CATSPER3: variants seen among roughly 807,000 people sequenced by gnomAD.
CATSPER3 encodes the protein cation channel sperm associated 3.
Under a neutral mutation model 36.6 loss-of-function variants are expected in CATSPER3, and 23 were observed. The observed-to-expected ratio is 0.63, with a 90% confidence interval of 0.45 to 0.89. The LOEUF is 0.89. CATSPER3 is among the 40% of genes least tolerant of loss of function. The pLI is 0.00. For synonymous variants in CATSPER3, 172 were observed against 184.1 expected (o/e 0.93, Z 0.53); for missense variants, 474 against 503.9 (o/e 0.94, Z 0.57).
intron 2 of CATSPER3, among the ~76,000 whole-genome samples, chr5:134,970,501 G>A (rs1314094666): frequency 6.6e-6 from 1 of 151,188 alleles, no homozygotes; most frequent in Non-Finnish European, 1.5e-5. Flanking sequence ...GAAATTTTCT[G>A]TAGAATTCTA....
chr5:135,005,702 C>A (rs1051037833), intron 3 of CATSPER3, among the ~76,000 whole-genome samples: 1 of 152,264 alleles, frequency 6.6e-6, no homozygotes, highest in Admixed American at 6.5e-5. Flanking sequence ...TGACACTCTG[C>A]CTTCTACCTA....
chr5:134,983,938 A>G (rs955481960), intron 2 of CATSPER3, among the ~76,000 whole-genome samples: 1 of 152,248 alleles, frequency 6.6e-6, no homozygotes, highest in Non-Finnish European at 1.5e-5. Flanking sequence ...ATAAAAGTAG[A>G]TGCATAGATG....
intron 2 of CATSPER3, among the ~76,000 whole-genome samples, chr5:134,984,181 T>G (rs913536148): frequency 6.6e-6 from 1 of 152,038 alleles, no homozygotes; most frequent in Non-Finnish European, 1.5e-5. Context: ...CCACAAAAAT[T>G]CTAGAAGGCA....
At chr5:134,996,245 A>G (rs762633547) in intron 2 of CATSPER3, 28 bp from the exon 3 acceptor site, 5 of 1,613,902 alleles carry the variant, frequency 3.1e-6, no homozygotes, top group Non-Finnish European at 4.2e-6. Flanking sequence ...GCTCGATCTG[A>G]CTTCTCCAAC....
At chr5:135,009,042 C>G (rs1580916838) in intron 5 of CATSPER3, 61 bp downstream of exon 5, 1 of 1,610,920 alleles carries the variant, frequency 6.2e-7, no homozygotes. Flanking sequence ...AGCTGTAGGG[C>G]AAGTCTCCAG....
At chr5:134,971,726 G>C (rs558000848) in intron 2 of CATSPER3, among the ~76,000 whole-genome samples, 1 of 152,278 alleles carries the variant, frequency 6.6e-6, no homozygotes, top group Non-Finnish European at 1.5e-5. Flanking sequence ...AAGCTGACCA[G>C]CTAGAGGTCT....
At chr5:135,009,040 G>T (rs1421281080) in intron 5 of CATSPER3, 59 bp downstream of exon 5, 7 of 1,611,882 alleles carry the variant, frequency 4.3e-6, no homozygotes, top group Non-Finnish European at 5.1e-6. Flanking sequence ...GGAGCTGTAG[G>T]GCAAGTCTCC....
intron 1 of CATSPER3, 124 bp downstream of exon 1, chr5:134,968,213 G>A (rs1051242602): frequency 8.2e-6 from 6 of 729,988 alleles, no homozygotes; most frequent in South Asian, 6.0e-5. Context: ...TAAGTTGCAT[G>A]TCCTTGACAA....
At chr5:134,989,223 T>A (rs1386399506) in intron 2 of CATSPER3, among the ~76,000 whole-genome samples, 1 of 152,148 alleles carries the variant, frequency 6.6e-6, no homozygotes, top group Non-Finnish European at 1.5e-5. Context: ...TTAGCATCAT[T>A]CTTAAGGGCT....
intron 2 of CATSPER3, among the ~76,000 whole-genome samples, chr5:134,988,268 G>T (rs573081869): frequency 6.6e-6 from 1 of 152,308 alleles, no homozygotes; most frequent in African/African-American, 2.4e-5. Flanking sequence ...GATGTTGATG[G>T]CTGCTAACTG....
At position 134,998,824 on chromosome 5, in the gene CATSPER3, A is replaced by G. The variant is rs1223069894; in HGVS notation, c.492+2312A>G. 2.0e-5 allele frequency among the ~76,000 whole-genome samples: 3 copies of G among 152,230 alleles called. No individual in the cohort carries two copies. In the East Asian group the frequency reaches 5.8e-4, roughly 29 times the overall value. On this transcript the variant is annotated intron_variant, in intron 3 of 7. Transcript: ENST00000282611. ...AGATTCTGGATATTAGCCCTTTGTCAGATGGGTAGATTGCAAAAATTTTCT... is the reference window on the plus strand; with the variant it reads ...AGATTCTGGATATTAGCCCTTTGTCGGATGGGTAGATTGCAAAAATTTTCT...
chr5:134,983,545 GAAAC>G (rs1330912828), intron 2 of CATSPER3, among the ~76,000 whole-genome samples: 2 of 151,908 alleles, frequency 1.3e-5, no homozygotes, highest in Non-Finnish European at 2.9e-5. Context: ...AACAAATGAA[GAAAC>G]AAACCAAAGA....
At chr5:134,974,649 T>C (rs764415810) in intron 2 of CATSPER3, among the ~76,000 whole-genome samples, 2 of 152,244 alleles carry the variant, frequency 1.3e-5, no homozygotes, top group Non-Finnish European at 2.9e-5. Context: ...TTAGGATAAA[T>C]AACACATTTC....
chr5:134,978,726 T>C (rs1355022284), intron 2 of CATSPER3, among the ~76,000 whole-genome samples: 1 of 150,928 alleles, frequency 6.6e-6, no homozygotes, highest in Non-Finnish European at 1.5e-5. Context: ...ATATTTTCTT[T>C]TTTTTTTTTT....
intron 3 of CATSPER3, among the ~76,000 whole-genome samples, chr5:135,003,932 T>C (rs1752052578): frequency 6.6e-6 from 1 of 152,214 alleles, no homozygotes; most frequent in Non-Finnish European, 1.5e-5. Context: ...CTGCTTCGGC[T>C]CTCACTCAGT....
Position 135,008,041 on chromosome 5 carries a change from A to G in CATSPER3, c.577A>G (p.Ile193Val), listed in dbSNP as rs781559354. 1.2e-6 allele frequency: 2 copies of G among 1,614,068 alleles called. No individual in the cohort carries two copies. Among genetic ancestry groups the G allele is most frequent in the Non-Finnish European group, 1.7e-6 (2 of 1,179,958 alleles). ...LLFLLMYIFAILGFCLFGSPD... is the reference protein window; with the variant it reads ...LLFLLMYIFAVLGFCLFGSPD... ...CTTCCTCCTCATGTACATCTTCGCT[A>G]TCTTGGGCTTCTGCCTGTTTGGATC... The change falls in exon 4 of 8, where the codon ATC (isoleucine) becomes GTC (valine). Residue 193 changes from isoleucine (I) to valine (V), a missense_variant. Ile to Val is a conservative substitution (Grantham distance 29). Transcript: ENST00000282611.
chr5:134,969,687 G>T, intron 1 of CATSPER3: 1 of 509,952 alleles, frequency 2.0e-6, no homozygotes, highest in Non-Finnish European at 3.5e-6. Context: ...GCTGGAGAAG[G>T]AGTGGTGACC....
intron 2 of CATSPER3, among the ~76,000 whole-genome samples, chr5:134,991,909 T>C (rs1751883296): frequency 6.6e-6 from 1 of 152,146 alleles, no homozygotes; most frequent in Admixed American, 6.6e-5. Flanking sequence ...GGTGGGAGGA[T>C]TGCTTGAGCC....
intron 2 of CATSPER3, among the ~76,000 whole-genome samples, chr5:134,970,931 A>G (rs980483061): frequency 6.6e-6 from 1 of 152,104 alleles, no homozygotes; most frequent in Non-Finnish European, 1.5e-5. Flanking sequence ...AGCCTGGGCA[A>G]CAAAGTGGGA....
Sources: allele counts gnomAD v4.1 joint callset (sites outside exome capture counted in the v4.1 genomes callset), GRCh38; gene constraint gnomAD v4.1.1; transcripts MANE v1.5; gene names NCBI Gene and HGNC (gene_info 2026-07-23, HGNC 2026-07-21).